AP3B1: variants seen among roughly 807,000 people sequenced by gnomAD.
AP3B1 encodes AP-3 complex subunit beta-1.
In AP3B1, 61 loss-of-function variants were observed where a neutral mutation model predicts 132.5. The ratio of observed to expected loss-of-function variants is 0.46; its 90% CI spans 0.37 to 0.57. AP3B1 has a LOEUF of 0.57. Ranked by LOEUF, AP3B1 falls within the 20% of genes least tolerant of loss-of-function variation. AP3B1 has a pLI of 0.00. For synonymous variants in AP3B1, 388 were observed against 438.3 expected, an observed-to-expected ratio of 0.89 and a Z score of 1.43; for missense variants, 1,120 against 1,289.4, an observed-to-expected ratio of 0.87 and a Z score of 2.01.
At chr5:78,146,357 T>G (rs183162349) in intron 14 of AP3B1, among the ~76,000 whole-genome samples, 1 of 152,346 alleles carries the variant, frequency 6.6e-6, no homozygotes, top group East Asian at 1.9e-4. Flanking sequence ...CTTCCTTGCT[T>G]GTCCCACCTT....
chr5:78,169,123 A>G (rs575681549), intron 11 of AP3B1, among the ~76,000 whole-genome samples: 42 of 152,030 alleles, frequency 2.8e-4, no homozygotes, highest in African/African-American at 9.4e-4. Flanking sequence ...TACTCTTTCC[A>G]CTTACTTTTC....
intron 5 of AP3B1, 32 bp downstream of exon 5, chr5:78,227,340 G>C (rs1400951593): frequency 1.2e-6 from 2 of 1,603,356 alleles, no homozygotes; most frequent in South Asian, 2.2e-5. Flanking sequence ...TAACATCAGA[G>C]ATCTTTGGTA....
At chr5:78,215,538 T>G (rs148001380) in intron 7 of AP3B1, among the ~76,000 whole-genome samples, 2 of 152,238 alleles carry the variant, frequency 1.3e-5, no homozygotes, top group African/African-American at 2.4e-5. Flanking sequence ...CCAGCTAAAG[T>G]GAAGAGAAGA....
rs1753435207 is a variant in AP3B1, at chr5:78,147,082, CTAATA to C, written c.1474-5768_1474-5764del. Among the ~76,000 whole-genome samples the C allele has an allele frequency of 1.3e-5, 2 of 152,014 alleles. 1 individual carries two copies. The highest frequency in any genetic ancestry group is 4.1e-4 in the South Asian group (2 of 4,828). On this transcript the variant is annotated intron_variant, in intron 14 of 26. Coordinates refer to ENST00000255194, the MANE Select transcript of AP3B1 (RefSeq NM_003664.5). ...ACTTATATCTGTCTACTAGAAATAT[CTAATA>C]TGAGAGAAATACATTACAGTCACAC...
chr5:78,218,349 C>A (rs10039931), intron 6 of AP3B1, among the ~76,000 whole-genome samples: 83,322 of 151,874 alleles, frequency 0.55, 23,024 homozygotes, highest in Admixed American at 0.58. Flanking sequence ...CTTTTCATAT[C>A]AGGGAAAAAA....
intron 22 of AP3B1, among the ~76,000 whole-genome samples, chr5:78,070,733 AC>A (rs1156356702): frequency 2.0e-5 from 3 of 151,764 alleles, no homozygotes; most frequent in African/African-American, 7.3e-5. Flanking sequence ...AAAAAAAAAA[AC>A]ATTAAAAAGT....
intron 22 of AP3B1, chr5:78,043,791 A>C: frequency 2.6e-6 from 1 of 384,834 alleles, no homozygotes; most frequent in Admixed American, 3.0e-5. Flanking sequence ...AGATATCTAC[A>C]CTAGCCTGAA....
intron 7 of AP3B1, among the ~76,000 whole-genome samples, chr5:78,188,633 C>T (rs1173111509): frequency 1.3e-5 from 2 of 152,092 alleles, no homozygotes; most frequent in Admixed American, 1.3e-4. Flanking sequence ...TTGGTGGGTA[C>T]ATAAATTAGT....
chr5:78,098,050 G>C (rs1478187451), intron 21 of AP3B1, among the ~76,000 whole-genome samples: 2 of 151,340 alleles, frequency 1.3e-5, no homozygotes, highest in East Asian at 3.9e-4. Flanking sequence ...GGCGGTGCAA[G>C]ATGTGCTTTG....
chr5:78,020,613 ATTTAT>A, intron 25 of AP3B1, 74 bp downstream of exon 25: 3 of 1,201,912 alleles, frequency 2.5e-6, no homozygotes, highest in Non-Finnish European at 3.6e-6. Flanking sequence ...ACCTATGAAA[ATTTAT>A]TTTAGAGACT....
At chr5:78,072,882 C>A (rs531574040) in intron 22 of AP3B1, among the ~76,000 whole-genome samples, 1 of 151,752 alleles carries the variant, frequency 6.6e-6, no homozygotes, top group East Asian at 1.9e-4. Context: ...CCACCATGCC[C>A]GGCAAATTTT....
chr5:78,012,266 CAGTT>C (rs1746653204), intron 26 of AP3B1, among the ~76,000 whole-genome samples: 1 of 151,430 alleles, frequency 6.6e-6, no homozygotes, highest in African/African-American at 2.4e-5. Flanking sequence ...AAGTGGTAAA[CAGTT>C]AATTTATATT....
At chr5:78,104,144 C>T (rs976067486) in intron 20 of AP3B1, among the ~76,000 whole-genome samples, 1 of 152,218 alleles carries the variant, frequency 6.6e-6, no homozygotes, top group Non-Finnish European at 1.5e-5. Context: ...TCTAGCCTCA[C>T]AGGACAAGAT....
intron 1 of AP3B1, among the ~76,000 whole-genome samples, chr5:78,274,635 A>C (rs908154895): frequency 1.3e-5 from 2 of 152,194 alleles, no homozygotes; most frequent in African/African-American, 4.8e-5. Flanking sequence ...AAAAGCATCC[A>C]GAGGCTGAGC....
At chr5:78,291,413 A>C (rs1166681279) in intron 1 of AP3B1, among the ~76,000 whole-genome samples, 1 of 116,452 alleles carries the variant, frequency 8.6e-6, no homozygotes. Context: ...CTCCCCACAG[A>C]TAATTTGAAA....
At chr5:78,003,374 T>C (rs1318152371) in intron 26 of AP3B1, 2 of 268,906 alleles carry the variant, frequency 7.4e-6, no homozygotes, top group Non-Finnish European at 5.7e-6. Context: ...ATTCATCCAC[T>C]TGGTATTTAA....
Position 78,175,819 on chromosome 5 carries a change from G to A in AP3B1, c.1060C>T (p.Leu354=). The change falls in exon 10 of 27, where the codon CTA becomes TTA. Residue 354 remains leucine (L), a synonymous_variant. Transcript: ENST00000255194. ...ATTGACATAGTTGCTATATTTTGTA[G>A]GACAATATACTGCACCTCCCTAGAA... ...RSNREVQYIV[L]QNIATMSIQR... The A allele has an allele frequency of 6.2e-7, 1 of 1,611,358 alleles. No homozygotes were observed. Among genetic ancestry groups the A allele is most frequent in the South Asian group, 1.1e-5 (1 of 90,970 alleles).
At position 78,278,628 on chromosome 5, in the gene AP3B1, G is replaced by A. The variant is rs866449971; in HGVS notation, c.129-11033C>T. Reference sequence around the variant, plus strand: ...AAAAAAAAAAAAAAAAAAAAAAAGGGGGGGGGGGACTAATTAATTATGAGG... The same window carrying A: ...AAAAAAAAAAAAAAAAAAAAAAAGGAGGGGGGGGACTAATTAATTATGAGG... On this transcript the variant is annotated intron_variant, in intron 1 of 26. Coordinates refer to ENST00000255194, the MANE Select transcript of AP3B1 (RefSeq NM_003664.5). 6.8e-3 allele frequency among the ~76,000 whole-genome samples: 292 copies of A among 42,670 alleles called. 4 individuals are homozygous for A. The highest frequency in any genetic ancestry group is 0.029 in the East Asian group (48 of 1,680). The allele number at this position is 42,670 out of a possible 152,430, so 28.0% of individuals were successfully genotyped here. A position where few individuals can be genotyped will look rare whatever the true frequency, so the allele number is the denominator to read the frequency against.
chr5:78,278,689 A>AC (rs1394771649), intron 1 of AP3B1, among the ~76,000 whole-genome samples: 1 of 149,288 alleles, frequency 6.7e-6, no homozygotes, highest in Admixed American at 6.7e-5. Context: ...GGGGTCCTCA[A>AC]CCCCCAGGCC....
Sources: allele counts gnomAD v4.1 joint callset (sites outside exome capture counted in the v4.1 genomes callset), GRCh38; gene constraint gnomAD v4.1.1; transcripts MANE v1.5; gene names NCBI Gene and HGNC (gene_info 2026-07-23, HGNC 2026-07-21).